RFX7: variants seen among roughly 807,000 people sequenced by gnomAD.
The protein encoded by RFX7 is DNA-binding protein RFX7.
In RFX7, 26 loss-of-function variants were observed where a neutral mutation model predicts 111.8. That is an observed-to-expected ratio of 0.23 (90% confidence interval 0.17 to 0.32). The LOEUF is 0.32. Ranked by LOEUF, RFX7 falls within the 10% of genes least tolerant of loss-of-function variation. RFX7 has a pLI of 1.00. For synonymous variants in RFX7, 624 were observed against 624.4 expected (o/e 1.00, Z 0.01); for missense variants, 1,573 against 1,772.9 (o/e 0.89, Z 2.02).
At chr15:56,128,054 A>T (rs1446187342) in intron 5 of RFX7, among the ~76,000 whole-genome samples, 1 of 152,188 alleles carries the variant, frequency 6.6e-6, no homozygotes, top group Non-Finnish European at 1.5e-5. Context: ...ATTCTAGAAG[A>T]ACACAAACTA....
At position 56,159,346 on chromosome 15, in the gene RFX7, C is replaced by T. The variant is rs140741651; in HGVS notation, c.196-14863G>A. On this transcript the variant is annotated intron_variant, in intron 3 of 9. Transcript: ENST00000559447. ...TCTTTAAGAAATTCAGGACGTATTT[C>T]GCCTGGTAATCTCCACTAACTTGGT... Among the ~76,000 whole-genome samples the T allele has an allele frequency of 1.1e-3, 165 of 152,246 alleles. 1 individual carries two copies. Among genetic ancestry groups the T allele is most frequent in the African/African-American group, 3.8e-3 (157 of 41,554 alleles).
rs1323367674 is a variant in RFX7 at position 56,243,814 on chromosome 15, C to A, written c.-372G>T. Among the ~76,000 whole-genome samples the A allele has an allele frequency of 2.7e-5, 4 of 147,272 alleles. No homozygotes were observed. The highest frequency in any genetic ancestry group is 4.5e-5 in the Non-Finnish European group (3 of 66,138). Reference sequence around the variant, plus strand: ...CGCCGCCGCCGCCGCCGCTCGCTCCCGGCCCCGCCGCCGCCGCGGCCGCCG... The same window carrying A: ...CGCCGCCGCCGCCGCCGCTCGCTCCAGGCCCCGCCGCCGCCGCGGCCGCCG... On this transcript the variant is annotated 5_prime_UTR_variant, in exon 1 of 10. Coordinates refer to ENST00000559447, the MANE Select transcript of RFX7 (RefSeq NM_022841.7).
At chr15:56,209,276 G>C (rs537769744) in intron 2 of RFX7, among the ~76,000 whole-genome samples, 5 of 150,634 alleles carry the variant, frequency 3.3e-5, no homozygotes, top group African/African-American at 9.7e-5. Context: ...TGAAACACTC[G>C]AGAGTGTCAA....
rs1473163003 is a variant in RFX7 at position 56,155,983 on chromosome 15, T to G, written c.196-11500A>C. On this transcript the variant is annotated intron_variant, in intron 3 of 9. Transcript: ENST00000559447. Reference sequence around the variant, plus strand: ...TGCTCTCTTCCAGTTAACTTTTACTTTTAAAAAAATCCAAAAACTGGTTAA... The same window carrying G: ...TGCTCTCTTCCAGTTAACTTTTACTGTTAAAAAAATCCAAAAACTGGTTAA... Among the ~76,000 whole-genome samples, 5 of 152,098 alleles carry G rather than the reference T, an allele frequency of 3.3e-5. No homozygotes were observed. In the East Asian group the frequency reaches 9.6e-4, roughly 29 times the overall value.
At chr15:56,126,518 T>C (rs754904787) in intron 5 of RFX7, among the ~76,000 whole-genome samples, 6 of 152,168 alleles carry the variant, frequency 3.9e-5, no homozygotes, top group African/African-American at 1.2e-4. Flanking sequence ...ATAAGACATA[T>C]AGAAAACAAA....
At chr15:56,160,336 T>G (rs79307249) in intron 3 of RFX7, among the ~76,000 whole-genome samples, 1,870 of 152,132 alleles carry the variant, frequency 0.012, 42 homozygotes, top group African/African-American at 0.041. Context: ...CTTTTCAGAT[T>G]GGTATCAGTA....
At chr15:56,224,902 C>T (rs1166894267) in intron 2 of RFX7, among the ~76,000 whole-genome samples, 1 of 151,938 alleles carries the variant, frequency 6.6e-6, no homozygotes, top group African/African-American at 2.4e-5. Context: ...CTAATTTATT[C>T]TCTCTCTCTG....
chr15:56,147,490 G>A (rs1203664459), intron 3 of RFX7, among the ~76,000 whole-genome samples: 2 of 152,174 alleles, frequency 1.3e-5, no homozygotes, highest in South Asian at 2.1e-4. Context: ...ACTAGATTCA[G>A]ATGGTACTTG....
At chr15:56,166,474 T>G (rs2042783228) in intron 3 of RFX7, among the ~76,000 whole-genome samples, 1 of 150,894 alleles carries the variant, frequency 6.6e-6, no homozygotes, top group Non-Finnish European at 1.5e-5. Flanking sequence ...GGCAGTAATA[T>G]AAACAGGAAG....
intron 2 of RFX7, among the ~76,000 whole-genome samples, chr15:56,232,428 T>G (rs1430475033): frequency 6.6e-6 from 1 of 152,066 alleles, no homozygotes; most frequent in Non-Finnish European, 1.5e-5. Context: ...ATGAAATCAT[T>G]TTTACCTCCT....
At chr15:56,155,573 A>G (rs530176158) in intron 3 of RFX7, among the ~76,000 whole-genome samples, 1 of 152,274 alleles carries the variant, frequency 6.6e-6, no homozygotes, top group East Asian at 1.9e-4. Flanking sequence ...ATGAGAACAC[A>G]TGGACACAGG....
At chr15:56,174,470 G>T (rs919591483) in intron 3 of RFX7, among the ~76,000 whole-genome samples, 2 of 151,976 alleles carry the variant, frequency 1.3e-5, no homozygotes, top group Non-Finnish European at 2.9e-5. Flanking sequence ...GGCTGGGCAC[G>T]GTTGCTCATA....
intron 5 of RFX7, among the ~76,000 whole-genome samples, chr15:56,140,209 C>G (rs1238612102): frequency 2.0e-5 from 3 of 152,212 alleles, no homozygotes; most frequent in Non-Finnish European, 4.4e-5. Flanking sequence ...GCGCCCCTCC[C>G]CCAGCCTCGC....
rs565625150 is a variant in RFX7 at position 56,088,525 on chromosome 15, T to G, written c.*4820A>C. On this transcript the variant is annotated 3_prime_UTR_variant, in exon 10 of 10. Coordinates refer to ENST00000559447, the MANE Select transcript of RFX7 (RefSeq NM_022841.7). Reference sequence around the variant, plus strand: ...AAAAATCAAATCTTGAAAAATGTAGTCTTTTTGTTTTGTTCTTTTTTCTAA... The same window carrying G: ...AAAAATCAAATCTTGAAAAATGTAGGCTTTTTGTTTTGTTCTTTTTTCTAA... 6.6e-6 allele frequency: 1 copy of G among 152,316 alleles called. No homozygotes were observed. Among genetic ancestry groups the G allele is most frequent in the South Asian group, 2.1e-4 (1 of 4,832 alleles). The allele number at this position is 152,316 out of a possible 1,614,324, so 9.4% of individuals were successfully genotyped here. A position where few individuals can be genotyped will look rare whatever the true frequency, so the allele number is the denominator to read the frequency against.
chr15:56,126,714 A>G (rs1184808190), intron 5 of RFX7, among the ~76,000 whole-genome samples: 5 of 152,218 alleles, frequency 3.3e-5, no homozygotes, highest in African/African-American at 1.2e-4. Context: ...GAACCAGAAA[A>G]GATAAAGCAT....
chr15:56,111,435 G>A (rs543286708), intron 5 of RFX7, among the ~76,000 whole-genome samples: 1 of 151,484 alleles, frequency 6.6e-6, no homozygotes, highest in East Asian at 2.0e-4. Context: ...TTGTTAAACA[G>A]ACGCTTGAAG....
chr15:56,144,414 T>C lies in RFX7; in HGVS notation c.265A>G (p.Asn89Asp). Residue 89 changes from asparagine to aspartate, a missense_variant, in exon 4 of 10, where the codon AAT becomes GAT. Asn to Asp is a conservative substitution (Grantham distance 23). This residue lies in a region of RFX7 where 191 missense variants were observed against 194.2 expected (regional missense o/e 0.98). Transcript: ENST00000559447. ...GAATAGATATACCTTTTCTCTCCAT[T>C]GCTGAGACCAGAAGGCAGCTGAAGG... ...LYLQLPSGLS[N>D]GEKSDQNAMS... 1 of 1,362,794 alleles carries C rather than the reference T, an allele frequency of 7.3e-7. No individual in the cohort carries two copies. The highest frequency in any genetic ancestry group is 9.8e-7 in the Non-Finnish European group (1 of 1,017,612). 84.4% of individuals were successfully genotyped at this position (1,362,794 alleles called of 1,614,324 possible).
At chr15:56,214,160 C>G (rs188256351) in intron 2 of RFX7, among the ~76,000 whole-genome samples, 2 of 152,160 alleles carry the variant, frequency 1.3e-5, no homozygotes, top group Non-Finnish European at 2.9e-5. Context: ...ATTATAGTAA[C>G]TCTTGGCATT....
chr15:56,210,621 C>T (rs1228658656), intron 2 of RFX7, among the ~76,000 whole-genome samples: 1 of 151,938 alleles, frequency 6.6e-6, no homozygotes, highest in Non-Finnish European at 1.5e-5. Flanking sequence ...CCCCTCAGAC[C>T]ACAGAGGAAT....
Sources: allele counts gnomAD v4.1 joint callset (sites outside exome capture counted in the v4.1 genomes callset), GRCh38; gene constraint gnomAD v4.1.1; regional missense constraint gnomAD v4.1.1; transcripts MANE v1.5; gene names NCBI Gene and HGNC (gene_info 2026-07-23, HGNC 2026-07-21).